Variants in TDRD3 observed in about 807,000 individuals in gnomAD.
TDRD3 encodes tudor domain containing 3, also known as tudor domain-containing protein 3.
Under a neutral mutation model 86.7 loss-of-function variants are expected in TDRD3, and 45 were observed. The observed-to-expected ratio is 0.52, with a 90% CI of 0.41 to 0.67. The LOEUF (loss-of-function observed/expected upper bound fraction) is 0.67, where lower values mean the gene tolerates loss of function less well. TDRD3 is among the 30% of genes least tolerant of loss of function. TDRD3 has a pLI of 0.00. For missense variants in TDRD3, 814 were observed against 889.0 expected (o/e 0.92, Z 1.07); for synonymous variants, 298 against 301.7 (o/e 0.99, Z 0.13).
intron 11 of TDRD3, among the ~76,000 whole-genome samples, chr13:60,530,257 G>C (rs972998136): frequency 6.6e-6 from 1 of 152,012 alleles, no homozygotes; most frequent in Non-Finnish European, 1.5e-5. Flanking sequence ...CACAGTATAG[G>C]GACTTCATAA....
At chr13:60,503,168 G>A (rs1294390634) in intron 8 of TDRD3, among the ~76,000 whole-genome samples, 1 of 152,126 alleles carries the variant, frequency 6.6e-6, no homozygotes, top group Admixed American at 6.5e-5. Flanking sequence ...CTTCTGTTTT[G>A]CTTGATACTT....
chr13:60,410,107 A>T (rs942734114), intron 1 of TDRD3, among the ~76,000 whole-genome samples: 2 of 152,096 alleles, frequency 1.3e-5, no homozygotes, highest in Non-Finnish European at 2.9e-5. Context: ...CATCGCCATG[A>T]AAGAAGTGCC....
At chr13:60,539,300 A>G (rs1052246955) in intron 12 of TDRD3, among the ~76,000 whole-genome samples, 7 of 152,150 alleles carry the variant, frequency 4.6e-5, no homozygotes, top group African/African-American at 1.7e-4. Flanking sequence ...GCACAAAGAT[A>G]AGAAAGTCAT....
At chr13:60,455,043 A>T (rs2138027710) in intron 3 of TDRD3, among the ~76,000 whole-genome samples, 1 of 152,046 alleles carries the variant, frequency 6.6e-6, no homozygotes, top group Admixed American at 6.5e-5. Flanking sequence ...CCTCCCAAGT[A>T]GCTGGGATTA....
At chr13:60,520,253 A>G in intron 10 of TDRD3, among the ~76,000 whole-genome samples, 1 of 152,212 alleles carries the variant, frequency 6.6e-6, no homozygotes, top group East Asian at 1.9e-4. Context: ...GCCAGATTAA[A>G]ACTAATGTTA....
At position 60,528,449 on chromosome 13, in the gene TDRD3, TC is replaced by T; in HGVS notation, c.1225del (p.His409IlefsTer2). ...TEQNGVKDNN[H>X]LRHPPRNDTR... ...AGCAAAATGGAGTAAAAGATAATAA[TC>T]ATCTGAGACATCCTCCTCGAAATGA... On this transcript the variant is annotated frameshift_variant, in exon 11 of 14. Coordinates refer to ENST00000377881, the MANE Select transcript of TDRD3 (RefSeq NM_001146070.2). LOFTEE classifies it high-confidence loss of function. The T allele has an allele frequency of 6.2e-7, 1 of 1,613,784 alleles. No homozygotes were observed. The highest frequency in any genetic ancestry group is 1.1e-5 in the South Asian group (1 of 91,056).
intron 5 of TDRD3, among the ~76,000 whole-genome samples, chr13:60,473,826 C>G (rs941909145): frequency 2.0e-5 from 3 of 152,282 alleles, no homozygotes; most frequent in Non-Finnish European, 4.4e-5. Flanking sequence ...GTAACGCCCT[C>G]GCCTGGGAAG....
At chr13:60,509,737 C>T (rs1378982619) in intron 8 of TDRD3, 26 bp from the exon 9 acceptor site, 1 of 1,612,836 alleles carries the variant, frequency 6.2e-7, no homozygotes. Context: ...GGGCTATCAG[C>T]CAGCTTTTCT....
At chr13:60,471,692 A>G (rs1219550719) in intron 5 of TDRD3, among the ~76,000 whole-genome samples, 2 of 152,144 alleles carry the variant, frequency 1.3e-5, no homozygotes, top group African/African-American at 4.8e-5. Flanking sequence ...GAGAAACACA[A>G]CTGATTTCTC....
chr13:60,564,721 A>G (rs1015323195), intron 12 of TDRD3, among the ~76,000 whole-genome samples: 6 of 152,218 alleles, frequency 3.9e-5, no homozygotes, highest in Non-Finnish European at 7.3e-5. Context: ...CTATGAAATT[A>G]AAATTATTTT....
At chr13:60,470,727 T>G (rs1956060427) in intron 5 of TDRD3, among the ~76,000 whole-genome samples, 1 of 151,314 alleles carries the variant, frequency 6.6e-6, no homozygotes, top group African/African-American at 2.4e-5. Flanking sequence ...GGATTACAGG[T>G]GTGCACCACC....
At chr13:60,434,693 G>GAAAAA (rs1403208501) in intron 1 of TDRD3, among the ~76,000 whole-genome samples, 1 of 145,156 alleles carries the variant, frequency 6.9e-6, no homozygotes, top group Non-Finnish European at 1.5e-5. Flanking sequence ...ATTAGAGAGT[G>GAAAAA]AAAAAAAAAA....
At chr13:60,452,549 AC>A (rs1955574223) in intron 3 of TDRD3, among the ~76,000 whole-genome samples, 1 of 152,100 alleles carries the variant, frequency 6.6e-6, no homozygotes, top group Admixed American at 6.6e-5. Context: ...GAATGGAATC[AC>A]ATGATATATA....
intron 5 of TDRD3, among the ~76,000 whole-genome samples, chr13:60,476,907 G>A (rs1286775600): frequency 6.6e-6 from 1 of 152,072 alleles, no homozygotes; most frequent in Admixed American, 6.6e-5. Flanking sequence ...GATTTTGTAT[G>A]CTGAAACTTT....
chr13:60,509,532 G>A (rs572713712), intron 8 of TDRD3: 1 of 473,904 alleles, frequency 2.1e-6, no homozygotes, highest in Admixed American at 3.7e-5. Flanking sequence ...TTTGTGTGTT[G>A]CTTTTGCAGT....
At chr13:60,498,981 A>G (rs1245111206) in intron 8 of TDRD3, among the ~76,000 whole-genome samples, 1 of 152,202 alleles carries the variant, frequency 6.6e-6, no homozygotes, top group Non-Finnish European at 1.5e-5. Context: ...CCCCAGTGCC[A>G]GAATGCATAA....
At chr13:60,548,170 T>A (rs1404350424) in intron 12 of TDRD3, among the ~76,000 whole-genome samples, 1 of 152,212 alleles carries the variant, frequency 6.6e-6, no homozygotes, top group Admixed American at 6.5e-5. Context: ...ATTTGGTGGC[T>A]ATTTGTTTGG....
At chr13:60,435,946 G>A (rs1036257334) in intron 1 of TDRD3, among the ~76,000 whole-genome samples, 25 of 106,782 alleles carry the variant, frequency 2.3e-4, no homozygotes, top group Non-Finnish European at 1.9e-4. Context: ...TTTAATTATG[G>A]CCTTTCTTAG....
chr13:60,499,848 A>T (rs1394900770), intron 8 of TDRD3, among the ~76,000 whole-genome samples: 2 of 152,170 alleles, frequency 1.3e-5, no homozygotes, highest in Admixed American at 1.3e-4. Flanking sequence ...ACTCATTTGG[A>T]TGTGTTACTC....
Sources: gnomAD v4.1 joint callset for allele counts (sites outside exome capture counted in the v4.1 genomes callset) on GRCh38, gnomAD v4.1.1 for gene constraint, MANE v1.5 for transcripts, NCBI Gene and HGNC (gene_info 2026-07-23, HGNC 2026-07-21) for gene names.